The following FAM222B variants were observed in gnomAD, a reference collection of about 807,000 sequenced individuals.
The protein encoded by FAM222B is family with sequence similarity 222 member B.
A neutral mutation model predicts 38.0 loss-of-function variants in FAM222B; 12 were observed. The ratio of observed to expected loss-of-function variants is 0.32; its 90% CI spans 0.20 to 0.51. The LOEUF (loss-of-function observed/expected upper bound fraction) is 0.51. Ranked by LOEUF, FAM222B falls within the 20% of genes least tolerant of loss-of-function variation. The pLI is 0.97. For synonymous variants in FAM222B, 329 were observed against 317.2 expected (o/e 1.04, Z -0.40); for missense variants, 716 against 754.2 (o/e 0.95, Z 0.59).
intron 1 of FAM222B, among the ~76,000 whole-genome samples, chr17:28,788,428 A>G (rs1440982879): frequency 2.0e-5 from 3 of 151,380 alleles, no homozygotes; most frequent in African/African-American, 7.3e-5. Context: ...TTATAGAGAC[A>G]GGTTTTTGCC....
intron 1 of FAM222B, among the ~76,000 whole-genome samples, chr17:28,815,911 G>A (rs1184875069): frequency 6.6e-6 from 1 of 151,156 alleles, no homozygotes; most frequent in African/African-American, 2.4e-5. Flanking sequence ...AGGTTGCAGT[G>A]AGCTGAGATC....
chr17:28,829,788 A>C (rs2038594690), intron 1 of FAM222B, among the ~76,000 whole-genome samples: 1 of 152,090 alleles, frequency 6.6e-6, no homozygotes, highest in South Asian at 2.1e-4. Context: ...GTCACATACA[A>C]GTTTTTTTGT....
intron 1 of FAM222B, 101 bp from the exon 2 acceptor site, chr17:28,766,808 C>G (rs766879708): frequency 6.5e-5 from 41 of 629,046 alleles, no homozygotes; most frequent in Middle Eastern, 4.2e-4. Context: ...AGTTTAGACA[C>G]ATAAAGCAAT....
intron 1 of FAM222B, among the ~76,000 whole-genome samples, chr17:28,840,179 C>T (rs1279217084): frequency 1.3e-5 from 2 of 151,904 alleles, no homozygotes; most frequent in African/African-American, 4.8e-5. Flanking sequence ...CCAGCCTGAC[C>T]AAAATGGCGA....
intron 1 of FAM222B, among the ~76,000 whole-genome samples, chr17:28,801,224 C>A (rs997018791): frequency 2.0e-5 from 3 of 146,414 alleles, no homozygotes; most frequent in Admixed American, 1.4e-4. Context: ...GAGGCCAAGG[C>A]GGGCGGATCA....
chr17:28,785,504 C>T (rs1255168120), intron 1 of FAM222B, among the ~76,000 whole-genome samples: 1 of 152,076 alleles, frequency 6.6e-6, no homozygotes, highest in Non-Finnish European at 1.5e-5. Flanking sequence ...CAATTCTAAG[C>T]CGTGGTTTTG....
chr17:28,801,111 C>T (rs1336968044), intron 1 of FAM222B, among the ~76,000 whole-genome samples: 1 of 147,782 alleles, frequency 6.8e-6, no homozygotes, highest in African/African-American at 2.5e-5. Context: ...GAGCCGAGAT[C>T]GTGCCACTGC....
chr17:28,852,899 A>G (rs575064000), intron 1 of FAM222B, among the ~76,000 whole-genome samples: 8 of 152,252 alleles, frequency 5.3e-5, no homozygotes, highest in Admixed American at 5.2e-4. Context: ...TCTGCAAAAG[A>G]TTTAAAAATT....
In FAM222B at chr17:28,758,657, T is replaced by A; in HGVS notation, c.1302A>T (p.Pro434=). The A allele has an allele frequency of 6.2e-7, 1 of 1,609,652 alleles. No homozygotes were observed. The highest frequency in any genetic ancestry group is 1.1e-5 in the South Asian group (1 of 90,944). ...CCAATGGGGCTGCCATGCCGTTGAC[T>A]GGTGGGGATGGGGTCGGCTTTTCCA... is the stretch of plus-strand genomic sequence containing the variant. The part of the protein sequence containing the change: ...PPLEKPTPSP[P]VNGMAAPLAY... Residue 434 remains proline (P), a synonymous_variant, in exon 3 of 3, where the codon CCA becomes CCT. Coordinates refer to ENST00000581407, the MANE Select transcript of FAM222B (RefSeq NM_001077498.3).
At chr17:28,776,191 T>C (rs1269573560) in intron 1 of FAM222B, among the ~76,000 whole-genome samples, 1 of 149,172 alleles carries the variant, frequency 6.7e-6, no homozygotes, top group Non-Finnish European at 1.5e-5. Context: ...GCTAACATGG[T>C]GAAACCCTGT....
chr17:28,850,202 G>T (rs372791613), intron 1 of FAM222B, among the ~76,000 whole-genome samples: 24 of 152,240 alleles, frequency 1.6e-4, no homozygotes, highest in Admixed American at 4.6e-4. Flanking sequence ...TGAGGGGCCA[G>T]CGGGCAGGGA....
intron 1 of FAM222B, among the ~76,000 whole-genome samples, chr17:28,779,309 A>G (rs2036055158): frequency 2.6e-5 from 4 of 152,200 alleles, no homozygotes; most frequent in Admixed American, 2.0e-4. Context: ...CAAATTCAAC[A>G]GCCCATTAAA....
chr17:28,796,204 AAAGTT>A (rs2036931082), intron 1 of FAM222B, among the ~76,000 whole-genome samples: 1 of 152,248 alleles, frequency 6.6e-6, no homozygotes, highest in South Asian at 2.1e-4. Context: ...ATCTGCAATA[AAAGTT>A]AATTGGACAT....
At chr17:28,801,529 C>T (rs887935347) in intron 1 of FAM222B, among the ~76,000 whole-genome samples, 1 of 150,928 alleles carries the variant, frequency 6.6e-6, no homozygotes, top group African/African-American at 2.4e-5. Context: ...ATCTTTACAG[C>T]TGCTAAATTA....
Position 28,758,914 on chromosome 17 carries a change from T to C in FAM222B, c.1045A>G (p.Ile349Val), listed in dbSNP as rs1182269390. 4 of 1,609,682 alleles carry C rather than the reference T, an allele frequency of 2.5e-6. No individual in the cohort carries two copies. The highest frequency in any genetic ancestry group is 1.3e-5 in the African/African-American group (1 of 75,002). ...GGGTAGCCAGTGGGGACGCGAGAGA[T>C]GCCTGTGGGCAGGTTGACAGGACCT... Reference protein sequence around the residue: ...AAGPVNLPTGISRVPTGYPSD... With the variant: ...AAGPVNLPTGVSRVPTGYPSD... Residue 349 changes from isoleucine (I) to valine (V), a missense_variant, in exon 3 of 3, where the codon ATC becomes GTC. Transcript: ENST00000581407.
chr17:28,790,318 A>C (rs533696026), intron 1 of FAM222B: 8 of 152,344 alleles, frequency 5.3e-5, no homozygotes, highest in African/African-American at 1.7e-4. Flanking sequence ...AGCCTAGCAA[A>C]CACCACCTTA....
chr17:28,822,350 C>G (rs1397683824), intron 1 of FAM222B, among the ~76,000 whole-genome samples: 1 of 150,396 alleles, frequency 6.6e-6, no homozygotes, highest in African/African-American at 2.4e-5. Context: ...CCAGGCAGCA[C>G]AGTGGCTCAC....
intron 1 of FAM222B, among the ~76,000 whole-genome samples, chr17:28,829,491 C>A (rs2038581026): frequency 6.6e-6 from 1 of 152,002 alleles, no homozygotes; most frequent in Non-Finnish European, 1.5e-5. Flanking sequence ...TCTAGTCTTA[C>A]CCAAAGGCAA....
chr17:28,829,249 T>C (rs1410165752), intron 1 of FAM222B, among the ~76,000 whole-genome samples: 1 of 148,902 alleles, frequency 6.7e-6, no homozygotes. Flanking sequence ...GGTTTCACTC[T>C]TGTTGCCTCA....
Sources: allele counts gnomAD v4.1 joint callset (sites outside exome capture counted in the v4.1 genomes callset), GRCh38; gene constraint gnomAD v4.1.1; transcripts MANE v1.5; gene names NCBI Gene and HGNC (gene_info 2026-07-23, HGNC 2026-07-21).